The following ROPN1 variants were observed in gnomAD, a reference collection of about 807,000 sequenced individuals.
ROPN1 encodes the protein ropporin-1A.
ROPN1 carries 14 observed loss-of-function variants against 20.5 expected under a neutral mutation model. The observed-to-expected ratio is 0.68, with a 90% CI of 0.45 to 1.07. The LOEUF is 1.07. Ranked by LOEUF, ROPN1 falls within the 50% of genes least tolerant of loss-of-function variation. ROPN1 has a pLI of 0.00. For missense variants in ROPN1, 169 were observed against 242.8 expected (o/e 0.70, Z 2.02); for synonymous variants, 76 against 95.7 (o/e 0.79, Z 1.20).
intron 1 of ROPN1, among the ~76,000 whole-genome samples, chr3:123,989,123 G>A (rs899565941): frequency 6.6e-6 from 1 of 152,192 alleles, no homozygotes; most frequent in African/African-American, 2.4e-5. Context: ...ACTTATGAGA[G>A]TAAGGAGAGA....
intron 4 of ROPN1, 162 bp downstream of exon 4, chr3:123,975,217 G>C: frequency 1.3e-6 from 1 of 799,082 alleles, no homozygotes. Context: ...ACTGCCTGAC[G>C]AGCACAGAAA....
At chr3:123,987,273 C>T (rs1269274894) in intron 1 of ROPN1, among the ~76,000 whole-genome samples, 3 of 152,222 alleles carry the variant, frequency 2.0e-5, no homozygotes, top group Admixed American at 6.5e-5. Context: ...CTCACTCGTT[C>T]CCCCAGAGCT....
intron 4 of ROPN1, chr3:123,974,486 CA>C (rs1167289590): frequency 6.6e-6 from 1 of 152,164 alleles, no homozygotes; most frequent in Admixed American, 6.5e-5. Flanking sequence ...ATTTGGACTA[CA>C]ATATTTCCAC....
chr3:123,971,389 A>G (rs891449117), intron 4 of ROPN1, among the ~76,000 whole-genome samples: 1 of 152,240 alleles, frequency 6.6e-6, no homozygotes, highest in African/African-American at 2.4e-5. Flanking sequence ...TTGAGTTAAT[A>G]TTTCAAATTT....
At chr3:123,988,937 G>C (rs1449234821) in intron 1 of ROPN1, among the ~76,000 whole-genome samples, 1 of 151,880 alleles carries the variant, frequency 6.6e-6, no homozygotes, top group African/African-American at 2.4e-5. Context: ...AAAACTCTTG[G>C]ATGAGGCATC....
At chr3:123,973,877 CCAGA>C (rs1158536974) in intron 4 of ROPN1, among the ~76,000 whole-genome samples, 1 of 152,144 alleles carries the variant, frequency 6.6e-6, no homozygotes, top group Non-Finnish European at 1.5e-5. Flanking sequence ...CAGCTAGCGA[CCAGA>C]CAGACAGGCA....
At position 123,970,170 on chromosome 3, in the gene ROPN1, G is replaced by T. The variant is rs754729357; in HGVS notation, c.444C>A (p.Asp148Glu). 1 of 1,614,088 alleles carries T rather than the reference G, an allele frequency of 6.2e-7. No homozygotes were observed. The highest frequency in any genetic ancestry group is 1.7e-5 in the Admixed American group (1 of 60,024). ...LKIVCEVLSC[D>E]HNGGSPRIPF... ...GGATCCGGGGCGACCCACCATTATG[G>T]TCACATGATAAGACCTCACACACTA... The change falls in exon 5 of 6, where the codon GAC (aspartate) becomes GAA (glutamate). Residue 148 changes from aspartate to glutamate, a missense_variant. Asp to Glu is a conservative substitution (Grantham distance 45). This residue lies in a region of ROPN1 where 82 missense variants were observed against 100.1 expected (regional missense o/e 0.82). Coordinates refer to ENST00000405845, the MANE Select transcript of ROPN1 (RefSeq NM_001317774.2).
chr3:123,980,438 G>A lies in ROPN1; in HGVS notation c.44C>T (p.Pro15Leu). The A allele has an allele frequency of 6.2e-7, 1 of 1,614,102 alleles. No homozygotes were observed. Among genetic ancestry groups the A allele is most frequent in the South Asian group, 1.1e-5 (1 of 91,082 alleles). Residue 15 changes from proline to leucine, a missense_variant, in exon 2 of 6, where the codon CCG becomes CTG. By Grantham distance (98) the Pro-to-Leu change is moderately conservative (BLOSUM62 -3). Transcript: ENST00000405845. ...TTTGGCAAACTCCTTCAGCATCTTCGGCAGCTCCGGCGGGATGCATGTTGG... is the reference window on the plus strand; with the variant it reads ...TTTGGCAAACTCCTTCAGCATCTTCAGCAGCTCCGGCGGGATGCATGTTGG... ...DKPTCIPPEL[P>L]KMLKEFAKAA...
At chr3:123,987,903 A>G (rs150730817) in intron 1 of ROPN1, among the ~76,000 whole-genome samples, 7 of 152,332 alleles carry the variant, frequency 4.6e-5, no homozygotes, top group African/African-American at 1.4e-4. Flanking sequence ...AGCCATGCTC[A>G]TATTTCAAAG....
intron 4 of ROPN1, chr3:123,975,036 A>G (rs1279094878): frequency 2.6e-6 from 1 of 387,688 alleles, no homozygotes; most frequent in African/African-American, 2.1e-5. Context: ...GGTGTCTGGA[A>G]GTCTTTTTCT....
intron 1 of ROPN1, among the ~76,000 whole-genome samples, chr3:123,980,956 A>G (rs2038134189): frequency 6.6e-6 from 1 of 152,202 alleles, no homozygotes; most frequent in Admixed American, 6.5e-5. Context: ...CCCTCTGTGA[A>G]TTGACATTAG....
intron 1 of ROPN1, among the ~76,000 whole-genome samples, chr3:123,985,713 G>GTCT (rs2038236429): frequency 1.3e-5 from 2 of 151,984 alleles, no homozygotes; most frequent in Admixed American, 6.6e-5. Flanking sequence ...CTTCAGTAAA[G>GTCT]TCTTATAAAA....
At chr3:123,984,333 C>T (rs1393976247) in intron 1 of ROPN1, among the ~76,000 whole-genome samples, 1 of 152,188 alleles carries the variant, frequency 6.6e-6, no homozygotes, top group East Asian at 1.9e-4. Context: ...CTCCCAGGTT[C>T]TTCTCTGAAC....
intron 1 of ROPN1, among the ~76,000 whole-genome samples, chr3:123,988,103 G>A (rs1357540724): frequency 6.6e-6 from 1 of 152,006 alleles, no homozygotes; most frequent in Non-Finnish European, 1.5e-5. Context: ...TTAAGAGTAA[G>A]TGTCATAATA....
rs748731630 is a variant in ROPN1 at position 123,980,434 on chromosome 3, C to T, written c.48G>A (p.Lys16=). The change falls in exon 2 of 6, where the codon AAG becomes AAA. Residue 16 remains lysine, a synonymous_variant. Coordinates refer to ENST00000405845, the MANE Select transcript of ROPN1 (RefSeq NM_001317774.2). ...KPTCIPPELP[K]MLKEFAKAAI... ...CGGCTTTGGCAAACTCCTTCAGCAT[C>T]TTCGGCAGCTCCGGCGGGATGCATG... 18 of 1,614,062 alleles carry T rather than the reference C, an allele frequency of 1.1e-5. No individual in the cohort carries two copies. Among genetic ancestry groups the T allele is most frequent in the South Asian group, 2.2e-5 (2 of 91,084 alleles).
chr3:123,980,220 G>C, intron 2 of ROPN1, 146 bp downstream of exon 2: 1 of 714,292 alleles, frequency 1.4e-6, no homozygotes, highest in South Asian at 1.7e-5. Flanking sequence ...GGATTTTAAA[G>C]CATCAAAGCA....
chr3:123,976,626 C>T (rs1339899026), intron 3 of ROPN1, among the ~76,000 whole-genome samples: 4 of 152,236 alleles, frequency 2.6e-5, no homozygotes, highest in African/African-American at 9.6e-5. Flanking sequence ...AGCCCCTGTA[C>T]ATTCTGCCAG....
chr3:123,977,248 T>C, intron 2 of ROPN1, among the ~76,000 whole-genome samples: 1 of 152,250 alleles, frequency 6.6e-6, no homozygotes, highest in Non-Finnish European at 1.5e-5. Flanking sequence ...AGTTTGGGTA[T>C]GCAATTCCCT....
At position 123,980,348 on chromosome 3, in the gene ROPN1, C is replaced by T; in HGVS notation, c.116+18G>A. 1 of 1,613,556 alleles carries T rather than the reference C, an allele frequency of 6.2e-7. No homozygotes were observed. The highest frequency in any genetic ancestry group is 8.5e-7 in the Non-Finnish European group (1 of 1,179,502). On this transcript the variant is annotated intron_variant, in intron 2 of 5. Coordinates refer to ENST00000405845, the MANE Select transcript of ROPN1 (RefSeq NM_001317774.2). ...CCGGCCGTCCTCCAAGGGGTGAAGG[C>T]GAGAAAGGAGCACGTACTCGGCTGC... is the stretch of plus-strand genomic sequence containing the variant.
Sources: allele counts gnomAD v4.1 joint callset (sites outside exome capture counted in the v4.1 genomes callset), GRCh38; gene constraint gnomAD v4.1.1; regional missense constraint gnomAD v4.1.1; transcripts MANE v1.5; gene names NCBI Gene and HGNC (gene_info 2026-07-23, HGNC 2026-07-21).